Variants in CCDC187 observed in about 807,000 individuals in gnomAD.
The protein encoded by CCDC187 is coiled-coil domain containing 187, also known as coiled-coil domain-containing protein 187.
CCDC187 carries 32 observed loss-of-function variants against 38.0 expected under a neutral mutation model. The ratio of observed to expected loss-of-function variants is 0.84; its 90% confidence interval spans 0.64 to 1.13. The LOEUF (loss-of-function observed/expected upper bound fraction) is 1.13. Ranked by LOEUF, CCDC187 falls within the 50% of genes most tolerant of loss-of-function variation. The pLI, the probability that CCDC187 is intolerant of heterozygous loss-of-function variation, is 0.00. For missense variants in CCDC187, 707 were observed against 786.8 expected, an observed-to-expected ratio of 0.90 and a Z score of 1.21; for synonymous variants, 333 against 347.9, an observed-to-expected ratio of 0.96 and a Z score of 0.48.
intron 9 of CCDC187, 133 bp downstream of exon 9, chr9:136,285,380 G>C (rs886195211): frequency 2.5e-6 from 1 of 402,776 alleles, no homozygotes; most frequent in African/African-American, 2.1e-5. Context: ...CCAGCATGAC[G>C]GGGACACATG....
chr9:136,264,034 C>T lies in CCDC187; in HGVS notation c.3736-236G>A, dbSNP rs1830711480. The T allele has an allele frequency of 6.4e-6, 1 of 156,726 alleles. No homozygotes were observed. The highest frequency in any genetic ancestry group is 1.4e-5 in the Non-Finnish European group (1 of 72,118). 9.7% of individuals were successfully genotyped at this position (156,726 alleles called of 1,614,324 possible). On this transcript the variant is annotated intron_variant, in intron 17 of 25. Coordinates refer to ENST00000638797, the MANE Select transcript of CCDC187 (RefSeq NM_001378188.1). This position sits in a 1 kb window ranked among gnomAD's most constrained non-coding sequence, Gnocchi z 4.3. Reference sequence around the variant, plus strand: ...GCGGGCGGCAGGAGGGAGGCAGGTACTCTTTCCCCAGGGCCCACGCAGGGC... The same window carrying T: ...GCGGGCGGCAGGAGGGAGGCAGGTATTCTTTCCCCAGGGCCCACGCAGGGC...
intron 15 of CCDC187, 164 bp from the exon 16 acceptor site, chr9:136,267,675 C>A: frequency 1.1e-6 from 1 of 942,368 alleles, no homozygotes; most frequent in Non-Finnish European, 1.3e-6. Context: ...CCCCTCCCAT[C>A]CCCCTATGCC....
In CCDC187 at chr9:136,291,418, C is replaced by G. The variant is rs899127092; in HGVS notation, c.1195G>C (p.Gly399Arg). The change falls in exon 6 of 26, where the codon GGG becomes CGG. Residue 399 changes from glycine to arginine, a missense_variant. Coordinates refer to ENST00000638797, the MANE Select transcript of CCDC187 (RefSeq NM_001378188.1). ...TCCTGCAGCCTCCGCTTTGATGGCC[C>G]GAGCTCTTGCCCTCCCTTGCGGGCC... ...AQARKGGQEL[G>R]PSKRRLQDVA... 1.3e-5 allele frequency: 5 copies of G among 398,828 alleles called. No individual in the cohort carries two copies. The highest frequency in any genetic ancestry group is 2.2e-5 in the Non-Finnish European group (5 of 226,306). The allele number at this position is 398,828 out of a possible 1,614,324, so 24.7% of individuals were successfully genotyped here.
In CCDC187 at chr9:136,250,193, C is replaced by T. The variant is rs546094506; in HGVS notation, c.*3401G>A. The T allele has an allele frequency of 1.6e-4, 26 of 161,090 alleles. No individual in the cohort carries two copies. In the South Asian group the frequency reaches 4.1e-3, roughly 26 times the overall value. The allele number at this position is 161,090 out of a possible 1,614,324, so 10.0% of individuals were successfully genotyped here. A position where few individuals can be genotyped will look rare whatever the true frequency, so the allele number is the denominator to read the frequency against. ...CTTTTTCTCCGGTGCTCAGAGTAAC[C>T]TGACGGCTCCGGCCCCCTCCAGGGC... On this transcript the variant is annotated 3_prime_UTR_variant, in exon 26 of 26. Transcript: ENST00000638797.
intron 4 of CCDC187, among the ~76,000 whole-genome samples, 172 bp from the exon 5 acceptor site, chr9:136,292,467 C>T (rs1388379406): frequency 6.6e-6 from 1 of 152,234 alleles, no homozygotes; most frequent in Admixed American, 6.5e-5. Flanking sequence ...GCGGGACCCT[C>T]AGCCTGCACA....
chr9:136,272,496 A>T (rs1349932577), intron 14 of CCDC187, among the ~76,000 whole-genome samples: 1 of 152,176 alleles, frequency 6.6e-6, no homozygotes. Context: ...TGAGGTCAGG[A>T]CTTCGAGACC....
intron 14 of CCDC187, among the ~76,000 whole-genome samples, chr9:136,270,211 AAG>A (rs1207169125): frequency 5.3e-5 from 8 of 152,208 alleles, no homozygotes; most frequent in Non-Finnish European, 1.0e-4. Flanking sequence ...ACACAAGGCA[AAG>A]AGAGAAAGAG....
chr9:136,287,324 G>A (rs1054725884), intron 7 of CCDC187, among the ~76,000 whole-genome samples: 41 of 152,152 alleles, frequency 2.7e-4, no homozygotes, highest in Non-Finnish European at 3.7e-4. Flanking sequence ...GAGCCTGGCC[G>A]GTCTTAACAT....
At chr9:136,255,174 C>T in intron 25 of CCDC187, 40 bp from the exon 26 acceptor site, 1 of 955,024 alleles carries the variant, frequency 1.0e-6, no homozygotes, top group Non-Finnish European at 1.2e-6. Flanking sequence ...CCCTCTGCAC[C>T]CTGGACCCCA....
rs1304381941 is a variant in CCDC187 at position 136,254,082 on chromosome 9, G to A, written c.5746C>T (p.Arg1916Trp). ...GTGGATGGGCTCGGGTCAGCATCCCGGGTTCCCTCCTGGTAGCCAGAAGTC... is the reference window on the plus strand; with the variant it reads ...GTGGATGGGCTCGGGTCAGCATCCCAGGTTCCCTCCTGGTAGCCAGAAGTC... Reference protein sequence around the residue: ...GETSGYQEGTRDADPSPSTKS... With the variant: ...GETSGYQEGTWDADPSPSTKS... The change falls in exon 26 of 26, where the codon CGG becomes TGG. Residue 1916 changes from arginine (R) to tryptophan (W), a missense_variant. Physicochemically the swap from Arg to Trp is moderately radical, Grantham distance 101. Coordinates refer to ENST00000638797, the MANE Select transcript of CCDC187 (RefSeq NM_001378188.1). The A allele has an allele frequency of 3.7e-5, 36 of 985,276 alleles. No individual in the cohort carries two copies. The highest frequency in any genetic ancestry group is 6.1e-5 in the Admixed American group (1 of 16,264). The allele number at this position is 985,276 out of a possible 1,614,324, so 61.0% of individuals were successfully genotyped here.
At chr9:136,266,202 G>A (rs1554761589) in intron 16 of CCDC187, 159 bp from the exon 17 acceptor site, 1 of 242,802 alleles carries the variant, frequency 4.1e-6, no homozygotes, top group Non-Finnish European at 6.6e-6. Flanking sequence ...GACAGGCTTG[G>A]AAGCCTTGGG....
chr9:136,283,047 G>C (rs983901657), intron 9 of CCDC187, among the ~76,000 whole-genome samples: 1 of 152,170 alleles, frequency 6.6e-6, no homozygotes, highest in African/African-American at 2.4e-5. Context: ...TCAGGAGTTC[G>C]AGACCAGCCT....
rs782142772 is a variant in CCDC187, at chr9:136,258,956, G to A, written c.4342C>T (p.Arg1448Trp). 6.8e-5 allele frequency: 67 copies of A among 985,482 alleles called. No individual in the cohort carries two copies. The highest frequency in any genetic ancestry group is 1.1e-4 in the East Asian group (1 of 8,806). The allele number at this position is 985,482 out of a possible 1,614,324, so 61.0% of individuals were successfully genotyped here. ...GRLPTAQCRS[R>W]EVKEPPPGDP... ...CCTGGGGGTGGCTCCTTCACCTCCC[G>A]AGACCTGCACTGAGCTGTGGGGAGG... The change falls in exon 22 of 26, where the codon CGG becomes TGG. Residue 1448 changes from arginine to tryptophan, a missense_variant. By Grantham distance (101) the Arg-to-Trp change is moderately radical. Transcript: ENST00000638797. This position sits in a 1 kb window ranked among gnomAD's most constrained non-coding sequence, Gnocchi z 4.3.
chr9:136,255,887 G>C (rs1211192445), intron 24 of CCDC187, among the ~76,000 whole-genome samples, 154 bp from the exon 25 acceptor site: 1 of 152,184 alleles, frequency 6.6e-6, no homozygotes, highest in Non-Finnish European at 1.5e-5. Flanking sequence ...GTGACCCTGA[G>C]GGCAAGGGCT....
intron 10 of CCDC187, among the ~76,000 whole-genome samples, chr9:136,278,136 T>C (rs1477712560): frequency 6.6e-6 from 1 of 152,280 alleles, no homozygotes; most frequent in Non-Finnish European, 1.5e-5. Flanking sequence ...GTGTCTGTTC[T>C]GAGCTGAAAT....
intron 14 of CCDC187, among the ~76,000 whole-genome samples, chr9:136,274,312 C>T (rs543283128): frequency 6.6e-6 from 1 of 152,334 alleles, no homozygotes; most frequent in African/African-American, 2.4e-5. Flanking sequence ...GACCTCCCTT[C>T]GTGTCAGGCT....
Position 136,291,043 on chromosome 9 carries a change from G to T in CCDC187, c.1570C>A (p.Arg524=). 2.5e-6 allele frequency: 1 copy of T among 398,660 alleles called. No homozygotes were observed. The highest frequency in any genetic ancestry group is 3.6e-5 in the East Asian group (1 of 28,064). 24.7% of individuals were successfully genotyped at this position (398,660 alleles called of 1,614,324 possible). ...SQRPGSPPEK[R]SPFPQQPWSA... ...CAGGGCTGCTGGGGGAAGGGGCTCC[G>T]CTTTTCAGGGGGGCTCCCAGGCCTC... Residue 524 remains arginine (R), a synonymous_variant, in exon 6 of 26, where the codon CGG becomes AGG. Transcript: ENST00000638797.
Position 136,281,883 on chromosome 9 carries a change from G to A in CCDC187, c.2928-220C>T, listed in dbSNP as rs956178728. 1.2e-3 allele frequency among the ~76,000 whole-genome samples: 177 copies of A among 152,248 alleles called. 1 individual carries two copies. The Middle Eastern group carries it at 0.017, about 15-fold the overall frequency. On this transcript the variant is annotated intron_variant, in intron 9 of 25. Coordinates refer to ENST00000638797, the MANE Select transcript of CCDC187 (RefSeq NM_001378188.1). ...GGAGCCAGGAGGCAGGGGTGAGCGG[G>A]AGGCAGGGGTGAGTGGGTGGGGCCT...
At chr9:136,260,079 A>G in intron 20 of CCDC187, 40 bp downstream of exon 20, 1 of 985,310 alleles carries the variant, frequency 1.0e-6, no homozygotes, top group Non-Finnish European at 1.2e-6. Flanking sequence ...CTGAATGAGC[A>G]TCCGTCTGAC....
Sources: gnomAD v4.1 joint callset for allele counts (sites outside exome capture counted in the v4.1 genomes callset) on GRCh38, gnomAD v4.1.1 for gene constraint, Gnocchi (gnomAD v3.1) non-coding constraint, MANE v1.5 for transcripts, NCBI Gene and HGNC (gene_info 2026-07-23, HGNC 2026-07-21) for gene names.